DSCAM: variants seen among roughly 807,000 people sequenced by gnomAD.
DSCAM encodes the protein DS cell adhesion molecule.
Under a neutral mutation model 217.7 loss-of-function variants are expected in DSCAM, and 47 were observed. That is an observed-to-expected ratio of 0.22 (90% confidence interval 0.17 to 0.28). The LOEUF (loss-of-function observed/expected upper bound fraction) is 0.28, where lower values mean the gene tolerates loss of function less well. Ranked by LOEUF, DSCAM falls within the 10% of genes least tolerant of loss-of-function variation. DSCAM has a pLI of 1.00. For missense variants in DSCAM, 2,080 were observed against 2,618.3 expected (o/e 0.79, Z 4.49); for synonymous variants, 1,056 against 1,015.3 (o/e 1.04, Z -0.76).
intron 20 of DSCAM, among the ~76,000 whole-genome samples, chr21:40,114,590 G>A (rs1367791090): frequency 1.3e-5 from 2 of 152,294 alleles, no homozygotes; most frequent in Admixed American, 6.5e-5. Context: ...AAGAGCTTCT[G>A]CACAGCAAAA....
At chr21:40,774,431 G>A (rs192860128) in intron 1 of DSCAM, among the ~76,000 whole-genome samples, 2 of 152,332 alleles carry the variant, frequency 1.3e-5, no homozygotes, top group East Asian at 1.9e-4. Context: ...AGCCTTCCAG[G>A]CTCCACTTTC....
intron 3 of DSCAM, among the ~76,000 whole-genome samples, chr21:40,453,740 G>A (rs2075741054): frequency 6.6e-6 from 1 of 152,178 alleles, no homozygotes; most frequent in Admixed American, 6.5e-5. Flanking sequence ...ATATTGAAAT[G>A]CTTGAAGCAC....
rs2076425497 is a variant in DSCAM at position 40,529,368 on chromosome 21, A to T, written c.509-160123T>A. Among the ~76,000 whole-genome samples, 3 of 152,290 alleles carry T rather than the reference A, an allele frequency of 2.0e-5. 1 individual carries two copies. In the South Asian group the frequency reaches 6.2e-4, roughly 32 times the overall value. ...ATTACAAAACAGGGTGCTGTTTCTT[A>T]GTGGCCGTTAAATAGTTTTACCTTT... On this transcript the variant is annotated intron_variant, in intron 3 of 32. Transcript: ENST00000400454.
chr21:40,200,212 A>C (rs1043303347), intron 11 of DSCAM, among the ~76,000 whole-genome samples: 4 of 152,110 alleles, frequency 2.6e-5, no homozygotes, highest in Non-Finnish European at 5.9e-5. Flanking sequence ...TGCAAGGCAC[A>C]TTGCTGTACA....
chr21:40,176,374 G>T (rs1267844551), intron 15 of DSCAM, among the ~76,000 whole-genome samples: 1 of 152,058 alleles, frequency 6.6e-6, no homozygotes, highest in Admixed American at 6.5e-5. Context: ...TACAGTAAAA[G>T]TGAGTGGGCT....
At chr21:40,168,665 G>T (rs533045798) in intron 15 of DSCAM, among the ~76,000 whole-genome samples, 8 of 152,306 alleles carry the variant, frequency 5.3e-5, no homozygotes, top group African/African-American at 1.9e-4. Flanking sequence ...GGGGAGTTTG[G>T]AAGTAATGGG....
chr21:40,210,406 T>C (rs911591262), intron 11 of DSCAM, among the ~76,000 whole-genome samples: 1 of 152,226 alleles, frequency 6.6e-6, no homozygotes, highest in African/African-American at 2.4e-5. Flanking sequence ...GTTGCAAAAA[T>C]AGTAGAGTCC....
intron 20 of DSCAM, among the ~76,000 whole-genome samples, chr21:40,101,291 A>G (rs190211413): frequency 1.1e-4 from 17 of 152,140 alleles, no homozygotes; most frequent in Admixed American, 1.0e-3. Context: ...GCAAGCCAAC[A>G]TTTATTATTA....
intron 18 of DSCAM, among the ~76,000 whole-genome samples, chr21:40,142,048 G>A (rs926279322): frequency 6.6e-6 from 1 of 150,668 alleles, no homozygotes. Context: ...AGGAAGAGGA[G>A]AAAGAGAAAC....
chr21:40,846,576 C>A, intron 1 of DSCAM, 43 bp downstream of exon 1: 1 of 371,098 alleles, frequency 2.7e-6, no homozygotes, highest in South Asian at 3.9e-5. Flanking sequence ...CCCCCCCGGT[C>A]AATGATAAGG....
At chr21:40,358,259 T>C (rs1196355918) in intron 4 of DSCAM, among the ~76,000 whole-genome samples, 2 of 152,234 alleles carry the variant, frequency 1.3e-5, no homozygotes, top group East Asian at 3.8e-4. Flanking sequence ...GATAGTGCTA[T>C]GTAATTCTAA....
chr21:40,225,981 G>C (rs2091329498), intron 11 of DSCAM, among the ~76,000 whole-genome samples: 1 of 152,150 alleles, frequency 6.6e-6, no homozygotes, highest in Non-Finnish European at 1.5e-5. Context: ...TTCCCTTATG[G>C]GTTTGATAAA....
chr21:40,731,965 T>C (rs1403199144), intron 1 of DSCAM, among the ~76,000 whole-genome samples: 1 of 152,112 alleles, frequency 6.6e-6, no homozygotes, highest in East Asian at 1.9e-4. Context: ...GACCTCATGA[T>C]CCACCTGCTT....
At chr21:40,808,721 C>T (rs937930628) in intron 1 of DSCAM, among the ~76,000 whole-genome samples, 16 of 152,104 alleles carry the variant, frequency 1.1e-4, no homozygotes, top group Non-Finnish European at 2.2e-4. Flanking sequence ...ACAATCCTCC[C>T]ACCTTGCCCT....
intron 11 of DSCAM, among the ~76,000 whole-genome samples, chr21:40,249,320 G>C (rs546804996): frequency 6.6e-6 from 1 of 152,092 alleles, no homozygotes; most frequent in African/African-American, 2.4e-5. Context: ...TAGTTTCCCC[G>C]ATACTGTTCT....
chr21:40,261,562 T>G (rs1237835139), intron 11 of DSCAM, among the ~76,000 whole-genome samples: 1 of 151,966 alleles, frequency 6.6e-6, no homozygotes, highest in Non-Finnish European at 1.5e-5. Flanking sequence ...GCTTTCAGAT[T>G]GGAATTACAC....
At chr21:40,037,565 T>C (rs200880202) in intron 32 of DSCAM, among the ~76,000 whole-genome samples, 2,604 of 147,666 alleles carry the variant, frequency 0.018, 202 homozygotes, top group African/African-American at 0.064. Flanking sequence ...TAGGAAGAAT[T>C]AATATCGTGA....
At position 40,666,607 on chromosome 21, in the gene DSCAM, T is replaced by G. The variant is rs376284611; in HGVS notation, c.508+26203A>C. Among the ~76,000 whole-genome samples, 106 of 152,330 alleles carry G rather than the reference T, an allele frequency of 7.0e-4. 1 individual carries two copies. The highest frequency in any genetic ancestry group is 2.5e-3 in the African/African-American group (104 of 41,574). ...GGAGGCTTTCAGAGGGAAGGATTCC[T>G]TTTTATAAGTATGGTAAAGCCCCCG... is the stretch of plus-strand genomic sequence containing the variant. On this transcript the variant is annotated intron_variant, in intron 3 of 32. Transcript: ENST00000400454.
intron 3 of DSCAM, among the ~76,000 whole-genome samples, chr21:40,644,493 A>T (rs1209023363): frequency 6.6e-6 from 1 of 152,200 alleles, no homozygotes; most frequent in African/African-American, 2.4e-5. Context: ...CTGTGATGGC[A>T]AAACAGTAGT....
Sources: gnomAD v4.1 joint callset for allele counts (sites outside exome capture counted in the v4.1 genomes callset) on GRCh38, gnomAD v4.1.1 for gene constraint, MANE v1.5 for transcripts, NCBI Gene and HGNC (gene_info 2026-07-23, HGNC 2026-07-21) for gene names.